RALA: variants seen among roughly 807,000 people sequenced by gnomAD.
RALA encodes RAS like proto-oncogene A.
Under a neutral mutation model 24.0 loss-of-function variants are expected in RALA, and 5 were observed. The ratio of observed to expected loss-of-function variants is 0.21; its 90% CI spans 0.11 to 0.44. The LOEUF is 0.44. Ranked by LOEUF, RALA falls within the 20% of genes least tolerant of loss-of-function variation. The pLI is 0.99. For missense variants in RALA, 95 were observed against 241.2 expected (o/e 0.39, Z 4.01); for synonymous variants, 77 against 83.8 (o/e 0.92, Z 0.44).
intron 1 of RALA, among the ~76,000 whole-genome samples, chr7:39,631,922 G>C (rs564336517): frequency 1.3e-5 from 2 of 152,160 alleles, no homozygotes; most frequent in Non-Finnish European, 2.9e-5. Context: ...ACCAACATCT[G>C]CTTGGCGAGT....
intron 1 of RALA, among the ~76,000 whole-genome samples, chr7:39,644,869 A>G (rs1014384254): frequency 6.6e-6 from 1 of 152,234 alleles, no homozygotes; most frequent in African/African-American, 2.4e-5. Flanking sequence ...TTGAGACTAA[A>G]AAGTAGTAAA....
At chr7:39,649,370 C>T (rs1028180360) in intron 1 of RALA, among the ~76,000 whole-genome samples, 1 of 152,130 alleles carries the variant, frequency 6.6e-6, no homozygotes, top group Non-Finnish European at 1.5e-5. Context: ...GTGTTGCCTC[C>T]AAAATTCATG....
At chr7:39,703,392 TTGTG>T (rs1793062837) in intron 4 of RALA, 1 of 152,192 alleles carries the variant, frequency 6.6e-6, no homozygotes, top group African/African-American at 2.4e-5. Context: ...GTTGCATACT[TTGTG>T]TGTGGGTGTG....
rs536596703 is a variant in RALA at position 39,698,975 on chromosome 7, T to C, written c.498+2116T>C. On this transcript the variant is annotated intron_variant, in intron 4 of 4. Transcript: ENST00000005257. Reference sequence around the variant, plus strand: ...AATGTCCTTTTTTTACCCGTCACTTTGGGAGAAAAAAAGCAAAGAGGTTGA... The same window carrying C: ...AATGTCCTTTTTTTACCCGTCACTTCGGGAGAAAAAAAGCAAAGAGGTTGA... Among the ~76,000 whole-genome samples the C allele has an allele frequency of 4.6e-5, 7 of 152,078 alleles. No homozygotes were observed. In the South Asian group the frequency reaches 1.5e-3, roughly 32 times the overall value.
intron 1 of RALA, among the ~76,000 whole-genome samples, chr7:39,630,839 C>T (rs2115913929): frequency 6.6e-6 from 1 of 152,192 alleles, no homozygotes; most frequent in Non-Finnish European, 1.5e-5. Context: ...CATTCATGCA[C>T]CAGTACCACA....
At chr7:39,638,049 C>T (rs1791714319) in intron 1 of RALA, among the ~76,000 whole-genome samples, 1 of 152,080 alleles carries the variant, frequency 6.6e-6, no homozygotes, top group South Asian at 2.1e-4. Flanking sequence ...TTCAGGTTTC[C>T]CAGTTGTCTC....
intron 1 of RALA, among the ~76,000 whole-genome samples, chr7:39,684,550 A>G (rs1792663436): frequency 6.6e-6 from 1 of 152,004 alleles, no homozygotes; most frequent in Non-Finnish European, 1.5e-5. Context: ...CCCATGGCAG[A>G]TTGTCCTGGC....
At chr7:39,691,044 G>A (rs922938197) in intron 3 of RALA, among the ~76,000 whole-genome samples, 4 of 152,106 alleles carry the variant, frequency 2.6e-5, no homozygotes, top group Non-Finnish European at 5.9e-5. Context: ...AGCACAGACT[G>A]AATTTTTTGT....
intron 1 of RALA, among the ~76,000 whole-genome samples, chr7:39,655,538 A>T (rs1222858361): frequency 6.6e-6 from 1 of 152,300 alleles, no homozygotes; most frequent in African/African-American, 2.4e-5. Context: ...ATAGAATAAC[A>T]TAGTGGCTAG....
At chr7:39,689,762 A>G (rs1366013031) in intron 2 of RALA, among the ~76,000 whole-genome samples, 1 of 152,198 alleles carries the variant, frequency 6.6e-6, no homozygotes, top group Non-Finnish European at 1.5e-5. Flanking sequence ...GTACATATAC[A>G]CATACTTATC....
intron 1 of RALA, chr7:39,624,178 C>T (rs1425867343): frequency 6.6e-6 from 1 of 152,542 alleles, no homozygotes; most frequent in Non-Finnish European, 1.5e-5. Flanking sequence ...AACCCGCTGC[C>T]GCCGCAGTCC....
chr7:39,681,226 A>C (rs1792592854), intron 1 of RALA, among the ~76,000 whole-genome samples: 1 of 143,826 alleles, frequency 7.0e-6, no homozygotes, highest in African/African-American at 2.6e-5. Context: ...TTATGATTGC[A>C]TTTCTCCATT....
chr7:39,635,863 A>G (rs1791677784), intron 1 of RALA, among the ~76,000 whole-genome samples: 1 of 152,186 alleles, frequency 6.6e-6, no homozygotes, highest in African/African-American at 2.4e-5. Flanking sequence ...CTAACAGGCC[A>G]CAGACTGGTA....
At chr7:39,674,058 T>TAAAG (rs1300114040) in intron 1 of RALA, among the ~76,000 whole-genome samples, 1 of 119,440 alleles carries the variant, frequency 8.4e-6, no homozygotes, top group Non-Finnish European at 2.0e-5. Flanking sequence ...AATAAATAAA[T>TAAAG]AAATAAATAA....
chr7:39,633,828 TCCTG>T lies in RALA; in HGVS notation c.-38+10005_-38+10008del, dbSNP rs1791640657. On this transcript the variant is annotated intron_variant, in intron 1 of 4. Transcript: ENST00000005257. ...TGTGAAATCAGGTGTTGGCCCAGCATCCTGCACATGTTCCATCCACATGGCAGTG... is the reference window on the plus strand; with the variant it reads ...TGTGAAATCAGGTGTTGGCCCAGCATCACATGTTCCATCCACATGGCAGTG... 2.0e-5 allele frequency among the ~76,000 whole-genome samples: 3 copies of T among 152,308 alleles called. No individual in the cohort carries two copies. In the South Asian group the frequency reaches 6.2e-4, roughly 32 times the overall value.
At position 39,707,157 on chromosome 7, in the gene RALA, T is replaced by C. The variant is rs1181071345; in HGVS notation, c.*912T>C. ...CTGCAAGGATTCAGCACCAGTTATG[T>C]TTGAATGAACCCTCCTTTTCTCTGA... On this transcript the variant is annotated 3_prime_UTR_variant, in exon 5 of 5. Coordinates refer to ENST00000005257, the MANE Select transcript of RALA (RefSeq NM_005402.4). 2 of 152,548 alleles carry C rather than the reference T, an allele frequency of 1.3e-5. No homozygotes were observed. Among genetic ancestry groups the C allele is most frequent in the African/African-American group, 2.4e-5 (1 of 41,442 alleles). The allele number at this position is 152,548 out of a possible 1,614,324, so 9.4% of individuals were successfully genotyped here.
At chr7:39,636,690 T>G (rs1349510824) in intron 1 of RALA, among the ~76,000 whole-genome samples, 1 of 152,226 alleles carries the variant, frequency 6.6e-6, no homozygotes, top group African/African-American at 2.4e-5. Flanking sequence ...AAGAACTACC[T>G]GAGACTGGGT....
intron 1 of RALA, among the ~76,000 whole-genome samples, chr7:39,640,705 T>G (rs957132577): frequency 6.6e-6 from 1 of 152,198 alleles, no homozygotes; most frequent in Non-Finnish European, 1.5e-5. Context: ...CTTCCATGTA[T>G]CTATTAATAG....
At chr7:39,697,973 G>GTGTT (rs761189863) in intron 4 of RALA, among the ~76,000 whole-genome samples, 1 of 125,932 alleles carries the variant, frequency 7.9e-6, no homozygotes, top group African/African-American at 2.8e-5. Flanking sequence ...GTGTGTGTGT[G>GTGTT]TATGTGTGTG....
Sources: allele counts gnomAD v4.1 joint callset (sites outside exome capture counted in the v4.1 genomes callset), GRCh38; gene constraint gnomAD v4.1.1; transcripts MANE v1.5; gene names NCBI Gene and HGNC (gene_info 2026-07-23, HGNC 2026-07-21).